TECTA: variants seen among roughly 807,000 people sequenced by gnomAD.
TECTA encodes the protein alpha-tectorin.
In TECTA, 128 loss-of-function variants were observed where a neutral mutation model predicts 216.8. The ratio of observed to expected loss-of-function variants is 0.59; its 90% CI spans 0.51 to 0.68. The LOEUF (loss-of-function observed/expected upper bound fraction) is 0.68, where lower values mean the gene tolerates loss of function less well. TECTA is among the 30% of genes least tolerant of loss of function. TECTA has a pLI of 0.00. For missense variants in TECTA, 2,551 were observed against 2,786.2 expected (o/e 0.92, Z 1.90); for synonymous variants, 1,089 against 1,117.1 (o/e 0.97, Z 0.50).
chr11:121,112,554 C>T (rs1196135300), intron 4 of TECTA, among the ~76,000 whole-genome samples: 1 of 152,160 alleles, frequency 6.6e-6, no homozygotes, highest in African/African-American at 2.4e-5. Context: ...TTCCCACTTC[C>T]ATTTTTAAAA....
At chr11:121,137,311 C>T in intron 10 of TECTA, 110 bp from the exon 11 acceptor site, 1 of 1,374,444 alleles carries the variant, frequency 7.3e-7, no homozygotes, top group South Asian at 1.2e-5. Flanking sequence ...TGCACACACG[C>T]ACATGCACTC....
rs1196777164 is a variant in TECTA at position 121,105,266 on chromosome 11, C to T, written c.65-565C>T. On this transcript the variant is annotated intron_variant, in intron 2 of 23. Coordinates refer to ENST00000392793, the MANE Select transcript of TECTA (RefSeq NM_005422.4). The surrounding 1 kb of genome is among the most constrained non-coding windows in gnomAD (Gnocchi z 5.3). ...AAAAAAGGAGTTGGGCAAAGAGCCT[C>T]TTGCAGGGCCGCCCTCAATCAAGGT... Among the ~76,000 whole-genome samples, 3 of 152,226 alleles carry T rather than the reference C, an allele frequency of 2.0e-5. No homozygotes were observed. Among genetic ancestry groups the T allele is most frequent in the East Asian group, 3.8e-4 (2 of 5,196 alleles).
intron 10 of TECTA, among the ~76,000 whole-genome samples, chr11:121,136,999 G>A (rs1946733508): frequency 6.6e-6 from 1 of 152,226 alleles, no homozygotes; most frequent in African/African-American, 2.4e-5. Flanking sequence ...CCCTAGCAGA[G>A]TGTGTGAATG....
In TECTA at chr11:121,152,891, C is replaced by T. The variant is rs538112464; in HGVS notation, c.4116C>T (p.Cys1372=). The change falls in exon 13 of 24, where the codon TGC becomes TGT. Residue 1372 remains cysteine (C), a synonymous_variant. Coordinates refer to ENST00000392793, the MANE Select transcript of TECTA (RefSeq NM_005422.4). ...WRNYTSCTVT[C]PPNSHYESCV... ...TCTCTCTTGTTCCAGCTGTCACCTG[C>T]CCTCCAAACAGCCATTACGAGAGCT... is the stretch of plus-strand genomic sequence containing the variant. The T allele has an allele frequency of 1.9e-6, 3 of 1,600,522 alleles. No individual in the cohort carries two copies. Among genetic ancestry groups the T allele is most frequent in the Non-Finnish European group, 2.6e-6 (3 of 1,169,016 alleles).
intron 20 of TECTA, among the ~76,000 whole-genome samples, chr11:121,184,429 C>T (rs915402959): frequency 2.0e-5 from 3 of 152,194 alleles, no homozygotes; most frequent in African/African-American, 7.2e-5. Context: ...GGACCACTTG[C>T]TTATCCTTCA....
intron 9 of TECTA, 124 bp from the exon 10 acceptor site, chr11:121,129,514 A>G: frequency 1.0e-6 from 1 of 978,642 alleles, no homozygotes. Flanking sequence ...TGTGGGTTCC[A>G]TCAGCTTCTT....
intron 7 of TECTA, among the ~76,000 whole-genome samples, chr11:121,124,791 G>A (rs561304315): frequency 6.6e-6 from 1 of 152,308 alleles, no homozygotes; most frequent in South Asian, 2.1e-4. Context: ...AACACTTGGA[G>A]AATACTACAT....
intron 12 of TECTA, among the ~76,000 whole-genome samples, chr11:121,152,585 G>A (rs942690999): frequency 3.9e-5 from 6 of 152,158 alleles, no homozygotes; most frequent in African/African-American, 1.4e-4. Flanking sequence ...GATGGGCGGT[G>A]GGTTCAGGTG....
intron 13 of TECTA, 126 bp downstream of exon 13, chr11:121,153,206 G>T (rs1307113904): frequency 8.9e-7 from 1 of 1,119,774 alleles, no homozygotes; most frequent in East Asian, 2.6e-5. Context: ...CGTGGCAGGG[G>T]AATGGGATGG....
chr11:121,190,358 G>A (rs1056440835), intron 23 of TECTA, among the ~76,000 whole-genome samples: 1 of 152,206 alleles, frequency 6.6e-6, no homozygotes, highest in Non-Finnish European at 1.5e-5. Flanking sequence ...TCTGCCTCCC[G>A]GGTTCAAGCG....
chr11:121,137,205 C>T (rs577766433), intron 10 of TECTA, among the ~76,000 whole-genome samples: 50 of 152,222 alleles, frequency 3.3e-4, no homozygotes, highest in East Asian at 3.1e-3. Flanking sequence ...CGTACACACA[C>T]GCACTCGCAC....
Position 121,168,053 on chromosome 11 carries a change from G to A in TECTA, c.5587-1G>A. On this transcript the variant is annotated splice_acceptor_variant, in intron 18 of 23. Coordinates refer to ENST00000392793, the MANE Select transcript of TECTA (RefSeq NM_005422.4). LOFTEE classifies it high-confidence loss of function. ...ATTTCTGACTTCCCCTTGTTCTGCAGTCCAATGGCACGCATATCATGTATA... is the reference window on the plus strand; with the variant it reads ...ATTTCTGACTTCCCCTTGTTCTGCAATCCAATGGCACGCATATCATGTATA... The A allele has an allele frequency of 6.2e-7, 1 of 1,614,132 alleles. No individual in the cohort carries two copies. The highest frequency in any genetic ancestry group is 8.5e-7 in the Non-Finnish European group (1 of 1,179,988).
At chr11:121,172,981 T>C (rs1947127749) in intron 20 of TECTA, among the ~76,000 whole-genome samples, 1 of 150,452 alleles carries the variant, frequency 6.6e-6, no homozygotes, top group African/African-American at 2.5e-5. Context: ...GCTGCATAAA[T>C]GTCTTCTTTT....
intron 3 of TECTA, 67 bp downstream of exon 3, chr11:121,106,031 T>A: frequency 2.5e-6 from 4 of 1,611,690 alleles, no homozygotes; most frequent in Non-Finnish European, 3.4e-6. Context: ...AAGAAAAGCA[T>A]TTTAAGTATC....
chr11:121,187,480 T>C (rs4280006), intron 20 of TECTA, among the ~76,000 whole-genome samples: 32,015 of 152,240 alleles, frequency 0.21, 3,789 homozygotes, highest in Non-Finnish European at 0.27. Flanking sequence ...GAAGTAAGAA[T>C]GAATCTTGTG....
rs1946739283 is a variant in TECTA at position 121,137,334 on chromosome 11, G to A, written c.2942-87G>A. 5.8e-6 allele frequency: 9 copies of A among 1,555,202 alleles called. 1 individual carries two copies. In the South Asian group the frequency reaches 9.0e-5, roughly 15 times the overall value. On this transcript the variant is annotated intron_variant, in intron 10 of 23. Coordinates refer to ENST00000392793, the MANE Select transcript of TECTA (RefSeq NM_005422.4). ...CGCACATGCACTCACAAACACACATGCACTCATACACACATGCATGCACGC... is the reference window on the plus strand; with the variant it reads ...CGCACATGCACTCACAAACACACATACACTCATACACACATGCATGCACGC...
chr11:121,128,009 G>A lies in TECTA; in HGVS notation c.2032G>A (p.Glu678Lys), dbSNP rs727504744. The A allele has an allele frequency of 6.2e-7, 1 of 1,613,912 alleles. No individual in the cohort carries two copies. Among genetic ancestry groups the A allele is most frequent in the Non-Finnish European group, 8.5e-7 (1 of 1,179,992 alleles). The change falls in exon 9 of 24, where the codon GAG becomes AAG. Residue 678 changes from glutamate to lysine, a missense_variant. Around this residue, in one of 3 missense-constraint regions of TECTA, gnomAD observed 2,375 missense variants for 2,563.9 expected, o/e 0.93. Transcript: ENST00000392793. ...CAACTGCACTGTGCAATGCCTGTGCGAGGAGGGCGGGGACGTCTACTGCTT... is the reference window on the plus strand; with the variant it reads ...CAACTGCACTGTGCAATGCCTGTGCAAGGAGGGCGGGGACGTCTACTGCTT... Reference protein sequence around the residue: ...TANCTVQCLCEEGGDVYCFNK... With the variant: ...TANCTVQCLCKEGGDVYCFNK...
At chr11:121,189,607 C>T (rs745810503) in intron 22 of TECTA, among the ~76,000 whole-genome samples, 157 bp from the exon 23 acceptor site, 10 of 152,252 alleles carry the variant, frequency 6.6e-5, no homozygotes, top group South Asian at 6.2e-4. Flanking sequence ...ATCTCCTGAC[C>T]GCGTGATCCA....
chr11:121,189,538 T>A (rs1947321229), intron 22 of TECTA, among the ~76,000 whole-genome samples: 1 of 152,076 alleles, frequency 6.6e-6, no homozygotes, highest in African/African-American at 2.4e-5. Flanking sequence ...CACGCCCGGC[T>A]AATTTTTTTG....
Sources: gnomAD v4.1 joint callset for allele counts (sites outside exome capture counted in the v4.1 genomes callset) on GRCh38, gnomAD v4.1.1 for gene constraint, gnomAD v4.1.1 regional missense constraint, Gnocchi (gnomAD v3.1) non-coding constraint, MANE v1.5 for transcripts, NCBI Gene and HGNC (gene_info 2026-07-23, HGNC 2026-07-21) for gene names.